SLC4A8: variants seen among roughly 807,000 people sequenced by gnomAD.
The protein encoded by SLC4A8 is solute carrier family 4 member 8.
SLC4A8 carries 40 observed loss-of-function variants against 125.0 expected under a neutral mutation model. That is an observed-to-expected ratio of 0.32 (90% confidence interval 0.25 to 0.42). SLC4A8 has a LOEUF of 0.42. SLC4A8 is among the 10% of genes least tolerant of loss of function. The pLI is 1.00. For missense variants in SLC4A8, 863 were observed against 1,355.1 expected, an observed-to-expected ratio of 0.64 and a Z score of 5.70; for synonymous variants, 456 against 476.0, an observed-to-expected ratio of 0.96 and a Z score of 0.55.
intron 5 of SLC4A8, among the ~76,000 whole-genome samples, chr12:51,454,151 G>A (rs552015256): frequency 3.2e-4 from 49 of 152,222 alleles, no homozygotes; most frequent in Middle Eastern, 3.4e-3. Flanking sequence ...ACAAAAATTA[G>A]CCAGGCATGG....
Position 51,497,003 on chromosome 12 carries a change from T to A in SLC4A8, c.2960T>A (p.Phe987Tyr), listed in dbSNP as rs1951478586. The change falls in exon 22 of 25, where the codon TTT becomes TAT. Residue 987 changes from phenylalanine (F) to tyrosine (Y), a missense_variant. This residue lies in a region of SLC4A8 where 92 missense variants were observed against 125.6 expected (regional missense o/e 0.73). Transcript: ENST00000453097. ...TTTCTTCAGGTTTTGGCCTTGGTCT[T>A]TGTCAGGAAAGTCATGGATCTCTGT... ...VFPMMVLALV[F>Y]VRKVMDLCFS... 1 of 1,614,022 alleles carries A rather than the reference T, an allele frequency of 6.2e-7. No homozygotes were observed. The highest frequency in any genetic ancestry group is 8.5e-7 in the Non-Finnish European group (1 of 1,180,028).
In SLC4A8 at chr12:51,412,674, T is replaced by C. The variant is rs569998630; in HGVS notation, c.-112+21186T>C. ...TTAAGCTCCCATATAAGTGAGAACATGTGATGTTTGTCTTTCTGTACCTGG... is the reference window on the plus strand; with the variant it reads ...TTAAGCTCCCATATAAGTGAGAACACGTGATGTTTGTCTTTCTGTACCTGG... On this transcript the variant is annotated intron_variant, in intron 1 of 24. Transcript: ENST00000358657. Among the ~76,000 whole-genome samples, 50 of 152,344 alleles carry C rather than the reference T, an allele frequency of 3.3e-4. No individual in the cohort carries two copies. In the South Asian group the frequency reaches 9.9e-3, roughly 30 times the overall value.
chr12:51,507,673 C>G lies in SLC4A8; in HGVS notation c.*235C>G, dbSNP rs1938229929. 2.6e-6 allele frequency: 1 copy of G among 388,154 alleles called. No homozygotes were observed. The allele number at this position is 388,154 out of a possible 1,614,324, so 24.0% of individuals were successfully genotyped here. A position where few individuals can be genotyped will look rare whatever the true frequency, so the allele number is the denominator to read the frequency against. On this transcript the variant is annotated 3_prime_UTR_variant, in exon 25 of 25. Coordinates refer to ENST00000453097, the MANE Select transcript of SLC4A8 (RefSeq NM_001039960.3). ...TGAATGTGGAAGCAGAAGACCACCT[C>G]CTGTTGGTTCTTCTCCTCTTCCTTC... is the stretch of plus-strand genomic sequence containing the variant.
chr12:51,480,171 C>G, intron 16 of SLC4A8: 5 of 731,592 alleles, frequency 6.8e-6, no homozygotes, highest in Non-Finnish European at 9.9e-6. Flanking sequence ...AATCTCTTGA[C>G]CTCGTGATCT....
At chr12:51,448,185 A>ACC (rs1949844081) in intron 2 of SLC4A8, among the ~76,000 whole-genome samples, 1 of 152,222 alleles carries the variant, frequency 6.6e-6, no homozygotes, top group East Asian at 1.9e-4. Flanking sequence ...AGCCATGATC[A>ACC]GAGATGTAAC....
intron 9 of SLC4A8, 55 bp downstream of exon 9, chr12:51,461,346 ACTC>A: frequency 1.2e-5 from 12 of 1,023,222 alleles, no homozygotes; most frequent in Non-Finnish European, 1.7e-5. Flanking sequence ...TTGAATATTT[ACTC>A]TGTGCCAGGC....
At chr12:51,452,321 C>G in intron 4 of SLC4A8, 62 bp downstream of exon 4, 1 of 1,572,002 alleles carries the variant, frequency 6.4e-7, no homozygotes, top group African/African-American at 1.3e-5. Context: ...TACCCTTCAG[C>G]AAGTGACAGG....
At chr12:51,492,462 G>C (rs1401058984) in intron 19 of SLC4A8, among the ~76,000 whole-genome samples, 1 of 152,038 alleles carries the variant, frequency 6.6e-6, no homozygotes, top group African/African-American at 2.4e-5. Flanking sequence ...CTCCCACCTG[G>C]TTGAGGCACC....
rs1366644689 is a variant in SLC4A8, at chr12:51,509,268, A to G, written c.*1830A>G. 1 of 152,410 alleles carries G rather than the reference A, an allele frequency of 6.6e-6. No individual in the cohort carries two copies. The allele number at this position is 152,410 out of a possible 1,614,324, so 9.4% of individuals were successfully genotyped here. A position where few individuals can be genotyped will look rare whatever the true frequency, so the allele number is the denominator to read the frequency against. On this transcript the variant is annotated 3_prime_UTR_variant, in exon 25 of 25. Transcript: ENST00000453097. ...GCACAGCCTTAGCTTCCTTTCATAT[A>G]TATATGGTGCAGACAGGATAGGTCA... is the stretch of plus-strand genomic sequence containing the variant.
intron 1 of SLC4A8, among the ~76,000 whole-genome samples, chr12:51,431,311 C>T (rs532228738): frequency 1.3e-5 from 2 of 152,310 alleles, no homozygotes; most frequent in Non-Finnish European, 2.9e-5. Flanking sequence ...ACCTTACCTC[C>T]GTCTCCAACC....
intron 18 of SLC4A8, 76 bp from the exon 19 acceptor site, chr12:51,489,624 G>A: frequency 1.3e-6 from 2 of 1,574,792 alleles, no homozygotes; most frequent in Non-Finnish European, 1.7e-6. Flanking sequence ...CTTTGGGCCT[G>A]AGACCCGTAG....
intron 12 of SLC4A8, 143 bp from the exon 13 acceptor site, chr12:51,470,249 G>A: frequency 1.4e-6 from 1 of 701,224 alleles, no homozygotes; most frequent in South Asian, 1.9e-5. Flanking sequence ...ATTACATGGT[G>A]TGTACACATC....
In SLC4A8 at chr12:51,469,619, T is replaced by C; in HGVS notation, c.1355T>C (p.Phe452Ser). Residue 452 changes from phenylalanine (F) to serine (S), a missense_variant, in exon 12 of 25, where the codon TTT (phenylalanine) becomes TCT (serine). Around this residue, in one of 6 missense-constraint regions of SLC4A8, gnomAD observed 390 missense variants for 634.4 expected, o/e 0.61. Transcript: ENST00000453097. ...TGTCTGTTGTGTTTCCACAGGCTAT[T>C]TGGGGGCTTGGTGCTGGACATCAAG... ...GPELQRTGRL[F>S]GGLVLDIKRK... 6.2e-7 allele frequency: 1 copy of C among 1,613,446 alleles called. No homozygotes were observed. Among genetic ancestry groups the C allele is most frequent in the Non-Finnish European group, 8.5e-7 (1 of 1,179,964 alleles).
intron 24 of SLC4A8, among the ~76,000 whole-genome samples, chr12:51,507,171 C>G (rs1239145000): frequency 6.6e-6 from 1 of 152,178 alleles, no homozygotes; most frequent in Non-Finnish European, 1.5e-5. Context: ...TGATTTATGT[C>G]TTCATCGAAT....
In SLC4A8 at chr12:51,441,799, G is replaced by A. The variant is rs148506691; in HGVS notation, c.130+1010G>A. On this transcript the variant is annotated intron_variant, in intron 2 of 24. Transcript: ENST00000453097. Reference sequence around the variant, plus strand: ...AACTTGTCCTTTTGATGGGGAGAACGGAAGCTGTAGAGGCTGACTCAGCCT... The same window carrying A: ...AACTTGTCCTTTTGATGGGGAGAACAGAAGCTGTAGAGGCTGACTCAGCCT... 2.3e-3 allele frequency among the ~76,000 whole-genome samples: 347 copies of A among 152,304 alleles called. 2 individuals carry two copies. The highest frequency in any genetic ancestry group is 8.0e-3 in the African/African-American group (332 of 41,562).
rs146372832 is a variant in SLC4A8, at chr12:51,486,913, C to T, written c.2286+1013C>T. ...ACCAATCCCTCTTGTAAGTATAATACCTTCTAGAATATGGCATTCTTGCCT... is the reference window on the plus strand; with the variant it reads ...ACCAATCCCTCTTGTAAGTATAATATCTTCTAGAATATGGCATTCTTGCCT... On this transcript the variant is annotated intron_variant, in intron 17 of 24. Coordinates refer to ENST00000453097, the MANE Select transcript of SLC4A8 (RefSeq NM_001039960.3). Among the ~76,000 whole-genome samples the T allele has an allele frequency of 3.3e-3, 498 of 152,316 alleles. 1 individual carries two copies. The highest frequency in any genetic ancestry group is 0.011 in the African/African-American group (469 of 41,554).
In SLC4A8 at chr12:51,490,530, TC is replaced by T. The variant is rs1732831618; in HGVS notation, c.2700+581del. Among the ~76,000 whole-genome samples, 3 of 128,230 alleles carry T rather than the reference TC, an allele frequency of 2.3e-5. No individual in the cohort carries two copies. The South Asian group carries it at 7.5e-4, about 32-fold the overall frequency. 84.1% of individuals were successfully genotyped at this position (128,230 alleles called of 152,430 possible). A position where few individuals can be genotyped will look rare whatever the true frequency, so the allele number is the denominator to read the frequency against. The stretch of plus-strand genomic sequence containing the variant: ...GTGAGCCGAGATCATGCCACTGCAC[TC>T]CAGCCAGGGCAACAGAGCGAGACTC... On this transcript the variant is annotated intron_variant, in intron 19 of 24. Transcript: ENST00000453097.
intron 1 of SLC4A8, among the ~76,000 whole-genome samples, chr12:51,409,907 A>G (rs2137964227): frequency 6.6e-6 from 1 of 152,314 alleles, no homozygotes; most frequent in East Asian, 1.9e-4. Context: ...GGGATTTAAG[A>G]GGAAAATGTG....
rs1156659147 is a variant in SLC4A8, at chr12:51,435,845, A to T, written c.49-4863A>T. Reference sequence around the variant, plus strand: ...TAACATAATAAGATGTTTTAGACTTACCTTGTACATTTCCTGGCTGGGACC... The same window carrying T: ...TAACATAATAAGATGTTTTAGACTTTCCTTGTACATTTCCTGGCTGGGACC... On this transcript the variant is annotated intron_variant, in intron 1 of 24. Transcript: ENST00000453097. Among the ~76,000 whole-genome samples, 64 of 152,156 alleles carry T rather than the reference A, an allele frequency of 4.2e-4. 1 individual carries two copies. The highest frequency in any genetic ancestry group is 1.0e-4 in the Non-Finnish European group (7 of 68,000).
Sources: allele counts gnomAD v4.1 joint callset (sites outside exome capture counted in the v4.1 genomes callset), GRCh38; gene constraint gnomAD v4.1.1; regional missense constraint gnomAD v4.1.1; transcripts MANE v1.5; gene names NCBI Gene and HGNC (gene_info 2026-07-23, HGNC 2026-07-21).